CSMD1: variants seen among roughly 807,000 people sequenced by gnomAD.
The protein encoded by CSMD1 is CUB and sushi domain-containing protein 1.
Under a neutral mutation model 417.5 loss-of-function variants are expected in CSMD1, and 213 were observed. The observed-to-expected ratio is 0.51, with a 90% CI of 0.46 to 0.57. The LOEUF is 0.57. Among genes scored for constraint, CSMD1 ranks in the 20% least tolerant of loss-of-function variants. The pLI, the probability that CSMD1 is intolerant of heterozygous loss-of-function variation, is 0.00. For synonymous variants in CSMD1, 2,862 were observed against 1,736.8 expected (o/e 1.65, Z -16.11); for missense variants, 6,923 against 4,529.7 (o/e 1.53, Z -15.17).
intron 1 of CSMD1, among the ~76,000 whole-genome samples, chr8:4,855,894 G>C (rs1208798800): frequency 6.7e-6 from 1 of 149,938 alleles, no homozygotes; most frequent in Non-Finnish European, 1.5e-5. Context: ...CCAACGTTCA[G>C]ATTCAGGAAA....
chr8:4,453,606 C>T (rs544501104), intron 2 of CSMD1, among the ~76,000 whole-genome samples: 4 of 152,084 alleles, frequency 2.6e-5, no homozygotes, highest in Middle Eastern at 3.2e-3. Context: ...TGTGAATCGA[C>T]AGCACAGTGC....
intron 3 of CSMD1, among the ~76,000 whole-genome samples, chr8:4,072,308 C>T (rs962208927): frequency 6.6e-6 from 1 of 152,132 alleles, no homozygotes; most frequent in African/African-American, 2.4e-5. Context: ...CCTTCCTTTG[C>T]CTTCAAAATG....
rs184059943 is a variant in CSMD1, at chr8:4,461,586, C to T, written c.303-41521G>A. On this transcript the variant is annotated intron_variant, in intron 2 of 69. Transcript: ENST00000635120. ...TGGGGTGTTGGGGGATACATCATCCCGTTGCCCAGTCTGAAATGCAGTGGT... is the reference window on the plus strand; with the variant it reads ...TGGGGTGTTGGGGGATACATCATCCTGTTGCCCAGTCTGAAATGCAGTGGT... 8.7e-5 allele frequency among the ~76,000 whole-genome samples: 13 copies of T among 150,016 alleles called. No individual in the cohort carries two copies. In the South Asian group the frequency reaches 2.3e-3, roughly 27 times the overall value.
intron 2 of CSMD1, among the ~76,000 whole-genome samples, chr8:4,622,046 GT>G (rs1485524362): frequency 2.0e-5 from 3 of 151,930 alleles, no homozygotes; most frequent in Non-Finnish European, 4.4e-5. Flanking sequence ...AAGAACATTT[GT>G]GAAAAATCTA....
At chr8:2,970,238 G>A (rs192045446) in intron 57 of CSMD1, among the ~76,000 whole-genome samples, 3 of 152,162 alleles carry the variant, frequency 2.0e-5, no homozygotes, top group Non-Finnish European at 1.5e-5. Flanking sequence ...AGGTGAGATT[G>A]CTAAGGAAAA....
chr8:3,641,431 C>T (rs184641217), intron 7 of CSMD1, among the ~76,000 whole-genome samples: 1 of 152,142 alleles, frequency 6.6e-6, no homozygotes, highest in Admixed American at 6.5e-5. Context: ...CTTCTTATAA[C>T]CCACATCACT....
intron 5 of CSMD1, among the ~76,000 whole-genome samples, chr8:3,850,889 C>G: frequency 6.6e-6 from 1 of 152,016 alleles, no homozygotes. Flanking sequence ...GCATTATTAT[C>G]ACAGGAAACA....
intron 54 of CSMD1, among the ~76,000 whole-genome samples, chr8:2,995,610 C>A (rs547296064): frequency 6.6e-6 from 1 of 152,120 alleles, no homozygotes; most frequent in African/African-American, 2.4e-5. Flanking sequence ...CAGCTCGTAG[C>A]AGCATTGTTT....
intron 5 of CSMD1, among the ~76,000 whole-genome samples, chr8:3,898,972 AC>A (rs1173429612): frequency 6.6e-6 from 1 of 152,190 alleles, no homozygotes; most frequent in Non-Finnish European, 1.5e-5. Flanking sequence ...AACAAATGGG[AC>A]CATACAGTAC....
chr8:4,907,460 AC>A (rs1186102221), intron 1 of CSMD1, among the ~76,000 whole-genome samples: 1 of 152,212 alleles, frequency 6.6e-6, no homozygotes, highest in Non-Finnish European at 1.5e-5. Context: ...CAGCATCTGT[AC>A]CTTTAAAATA....
intron 3 of CSMD1, among the ~76,000 whole-genome samples, chr8:4,197,682 C>T (rs565971720): frequency 3.3e-5 from 5 of 152,246 alleles, no homozygotes; most frequent in South Asian, 2.1e-4. Context: ...AGTTTGAGGC[C>T]AGCTTGGCCA....
chr8:3,880,516 T>G (rs540152735), intron 5 of CSMD1, among the ~76,000 whole-genome samples: 1 of 152,330 alleles, frequency 6.6e-6, no homozygotes, highest in African/African-American at 2.4e-5. Flanking sequence ...TTTGATTTTC[T>G]AAAGCCACGT....
chr8:4,964,695 G>T lies in CSMD1; in HGVS notation c.85+29637C>A, dbSNP rs141397573. 6.6e-5 allele frequency among the ~76,000 whole-genome samples: 10 copies of T among 152,104 alleles called. No homozygotes were observed. In the East Asian group the frequency reaches 1.7e-3, roughly 27 times the overall value. On this transcript the variant is annotated intron_variant, in intron 1 of 69. Transcript: ENST00000635120. Reference sequence around the variant, plus strand: ...GAGATTCTCCATTCTCCAGGTTCCAGAAACTCAGTTATGGTCACTAAGCCA... The same window carrying T: ...GAGATTCTCCATTCTCCAGGTTCCATAAACTCAGTTATGGTCACTAAGCCA...
intron 41 of CSMD1, among the ~76,000 whole-genome samples, chr8:3,133,237 G>C (rs748269862): frequency 1.7e-4 from 26 of 152,066 alleles, no homozygotes; most frequent in Non-Finnish European, 3.5e-4. Flanking sequence ...GTCCCAATGG[G>C]GCCCCTTCTT....
chr8:4,127,774 A>G (rs993364321), intron 3 of CSMD1, among the ~76,000 whole-genome samples: 1 of 152,214 alleles, frequency 6.6e-6, no homozygotes, highest in African/African-American at 2.4e-5. Flanking sequence ...ATATTGTCTC[A>G]TTTAATCTTT....
intron 3 of CSMD1, among the ~76,000 whole-genome samples, chr8:4,203,103 G>A (rs893241399): frequency 4.6e-5 from 7 of 152,196 alleles, no homozygotes; most frequent in Non-Finnish European, 8.8e-5. Flanking sequence ...ATCTGTGTGG[G>A]TTCCCTGTTG....
intron 6 of CSMD1, among the ~76,000 whole-genome samples, chr8:3,742,216 A>G (rs1159385432): frequency 6.6e-6 from 1 of 152,140 alleles, no homozygotes; most frequent in Non-Finnish European, 1.5e-5. Context: ...TCCAATCTGG[A>G]TGTTCTGTAG....
At chr8:3,319,258 G>A (rs1218580096) in intron 23 of CSMD1, among the ~76,000 whole-genome samples, 1 of 152,178 alleles carries the variant, frequency 6.6e-6, no homozygotes, top group African/African-American at 2.4e-5. Context: ...ACTATCCCGA[G>A]CATTTGATTA....
chr8:4,084,587 G>A (rs1018813198), intron 3 of CSMD1, among the ~76,000 whole-genome samples: 1 of 152,252 alleles, frequency 6.6e-6, no homozygotes, highest in Admixed American at 6.5e-5. Flanking sequence ...AATCAACCTT[G>A]TTGGGAGAGA....
Sources: gnomAD v4.1 joint callset for allele counts (sites outside exome capture counted in the v4.1 genomes callset) on GRCh38, gnomAD v4.1.1 for gene constraint, MANE v1.5 for transcripts, NCBI Gene and HGNC (gene_info 2026-07-23, HGNC 2026-07-21) for gene names.